RGS6: variants seen among roughly 807,000 people sequenced by gnomAD.
The protein encoded by RGS6 is regulator of G protein signaling 6, also known as regulator of G-protein signaling 6.
RGS6 carries 30 observed loss-of-function variants against 78.5 expected under a neutral mutation model. The observed-to-expected ratio is 0.38, with a 90% CI of 0.29 to 0.52. The LOEUF is 0.52. RGS6 is among the 20% of genes least tolerant of loss of function. The probability of loss-of-function intolerance (pLI) is 0.85; values close to 1 mark genes in which losing one functional copy is unlikely to be tolerated. For missense variants in RGS6, 495 were observed against 609.7 expected, an observed-to-expected ratio of 0.81 and a Z score of 1.98; for synonymous variants, 206 against 206.0, an observed-to-expected ratio of 1.00 and a Z score of 0.00.
At chr14:71,887,549 G>T in the RGS6 span, among the ~76,000 whole-genome samples, 14 of 149,930 alleles carry the variant, frequency 9.3e-5, no homozygotes, top group African/African-American at 1.5e-4. Context: ...ATAAATGGCT[G>T]CTCTGGGAAT....
At chr14:72,111,106 C>T (rs1272013422) in intron 2 of RGS6, among the ~76,000 whole-genome samples, 1 of 152,164 alleles carries the variant, frequency 6.6e-6, no homozygotes, top group East Asian at 1.9e-4. Flanking sequence ...GCTGACAGCT[C>T]TTGGAGAAGA....
chr14:72,063,598 A>T (rs77605022), intron 2 of RGS6, among the ~76,000 whole-genome samples: 2,015 of 152,292 alleles, frequency 0.013, 20 homozygotes, highest in Non-Finnish European at 0.02. Context: ...TTAATTTTTT[A>T]AAGATGGGGG....
rs2096190024 is a variant in RGS6 at position 72,474,759 on chromosome 14, C to G, written c.693+60C>G. On this transcript the variant is annotated intron_variant, in intron 10 of 17. Transcript: ENST00000553525. ...GTGAATAGCCCTTCCAGTTCTAGTA[C>G]TATTCAAATAGTAATTTGCTACTTG... 2.3e-6 allele frequency: 3 copies of G among 1,328,306 alleles called. No individual in the cohort carries two copies. In the Admixed American group the frequency reaches 6.1e-5, roughly 27 times the overall value. The allele number at this position is 1,328,306 out of a possible 1,614,324, so 82.3% of individuals were successfully genotyped here.
chr14:72,133,590 CTATGCCTTATACA>C (rs2096374766), intron 2 of RGS6, among the ~76,000 whole-genome samples: 1 of 152,164 alleles, frequency 6.6e-6, no homozygotes. Flanking sequence ...CCTCAAAACT[CTATGCCTTATACA>C]TATGCCTTTC....
chr14:71,957,890 C>T (rs149923796), intron 1 of RGS6, among the ~76,000 whole-genome samples: 6 of 151,990 alleles, frequency 3.9e-5, no homozygotes, highest in Admixed American at 6.6e-5. Context: ...ATCAGCCTCC[C>T]GAGTAGCTGA....
intron 2 of RGS6, among the ~76,000 whole-genome samples, chr14:72,237,807 C>T (rs184406675): frequency 3.1e-4 from 47 of 152,246 alleles, no homozygotes; most frequent in South Asian, 1.0e-3. Context: ...CGTACTGGTA[C>T]TGGTCAACGG....
chr14:72,412,963 T>A (rs1265063136), intron 3 of RGS6, among the ~76,000 whole-genome samples: 1 of 152,186 alleles, frequency 6.6e-6, no homozygotes, highest in Admixed American at 6.5e-5. Context: ...TCTTTTACAT[T>A]TGCTGAGGAG....
In RGS6 at chr14:72,292,201, A is replaced by T. The variant is rs373784770; in HGVS notation, c.85-59894A>T. On this transcript the variant is annotated intron_variant, in intron 2 of 17. Transcript: ENST00000553525. ...TCAAACATTTTATTTAATAAGCTACATGTTTGAGTCACAAGCGTAGACTTG... is the reference window on the plus strand; with the variant it reads ...TCAAACATTTTATTTAATAAGCTACTTGTTTGAGTCACAAGCGTAGACTTG... 2.1e-4 allele frequency among the ~76,000 whole-genome samples: 32 copies of T among 152,244 alleles called. No individual in the cohort carries two copies. The South Asian group carries it at 2.9e-3, about 14-fold the overall frequency.
chr14:72,610,196 C>T, the RGS6 span, among the ~76,000 whole-genome samples: 1 of 152,328 alleles, frequency 6.6e-6, no homozygotes, highest in South Asian at 2.1e-4. Context: ...GGTCTAGAGA[C>T]ATCAATGGAG....
intron 2 of RGS6, among the ~76,000 whole-genome samples, chr14:72,084,084 T>A (rs111401366): frequency 3.3e-5 from 5 of 152,302 alleles, no homozygotes; most frequent in African/African-American, 1.2e-4. Context: ...GGTCCTCAGC[T>A]TTTTTTGGCA....
chr14:72,465,388 C>T (rs980619607), intron 6 of RGS6, among the ~76,000 whole-genome samples: 2 of 151,788 alleles, frequency 1.3e-5, no homozygotes, highest in African/African-American at 4.9e-5. Flanking sequence ...TGGAGGAGTC[C>T]TCATTTGATC....
intron 3 of RGS6, among the ~76,000 whole-genome samples, chr14:72,425,147 C>CT (rs938587873): frequency 4.6e-4 from 69 of 151,580 alleles, no homozygotes; most frequent in East Asian, 7.7e-4. Context: ...AGGGGAAAAT[C>CT]TTTTTTTTTG....
At chr14:72,371,141 C>A (rs1347290202) in intron 3 of RGS6, among the ~76,000 whole-genome samples, 1 of 152,152 alleles carries the variant, frequency 6.6e-6, no homozygotes, top group African/African-American at 2.4e-5. Context: ...ACAAATGTAA[C>A]TTCACTGTAA....
chr14:72,288,724 T>C (rs1288752933), intron 2 of RGS6, among the ~76,000 whole-genome samples: 1 of 152,132 alleles, frequency 6.6e-6, no homozygotes, highest in Non-Finnish European at 1.5e-5. Flanking sequence ...GCCGGGCACA[T>C]TAGAAGGCTC....
At chr14:72,233,952 G>A (rs1420575020) in intron 2 of RGS6, among the ~76,000 whole-genome samples, 1 of 152,100 alleles carries the variant, frequency 6.6e-6, no homozygotes, top group Admixed American at 6.5e-5. Flanking sequence ...GGTGCAGGGA[G>A]ATTCTAATCA....
the RGS6 span, among the ~76,000 whole-genome samples, chr14:71,924,036 A>T: frequency 6.6e-6 from 1 of 152,040 alleles, no homozygotes; most frequent in Non-Finnish European, 1.5e-5. Flanking sequence ...TTTATTTATT[A>T]TTCATTCATC....
At chr14:71,872,357 C>T in the RGS6 span, among the ~76,000 whole-genome samples, 1 of 151,498 alleles carries the variant, frequency 6.6e-6, no homozygotes, top group Non-Finnish European at 1.5e-5. Context: ...TGTGGCATGG[C>T]GGGACTCTGA....
At chr14:72,024,807 G>T (rs1050021791) in intron 2 of RGS6, among the ~76,000 whole-genome samples, 2 of 152,144 alleles carry the variant, frequency 1.3e-5, no homozygotes, top group African/African-American at 4.8e-5. Flanking sequence ...GTTTTATGTG[G>T]AGTGAGTTTA....
At chr14:72,126,527 C>A (rs1436897633) in intron 2 of RGS6, among the ~76,000 whole-genome samples, 2 of 152,248 alleles carry the variant, frequency 1.3e-5, no homozygotes, top group Non-Finnish European at 2.9e-5. Flanking sequence ...TGGTGGTGCT[C>A]ATTTTCCATG....
Sources: allele counts gnomAD v4.1 joint callset (sites outside exome capture counted in the v4.1 genomes callset), GRCh38; gene constraint gnomAD v4.1.1; transcripts MANE v1.5; gene names NCBI Gene and HGNC (gene_info 2026-07-23, HGNC 2026-07-21).